NPAS3: variants seen among roughly 807,000 people sequenced by gnomAD.
The protein encoded by NPAS3 is neuronal PAS domain-containing protein 3.
Under a neutral mutation model 73.1 loss-of-function variants are expected in NPAS3, and 14 were observed. The observed-to-expected ratio is 0.19, with a 90% CI of 0.13 to 0.30. The LOEUF is 0.30. Among genes scored for constraint, NPAS3 ranks in the 10% least tolerant of loss-of-function variants. NPAS3 has a pLI of 1.00. For missense variants in NPAS3, 1,096 were observed against 1,250.0 expected (o/e 0.88, Z 1.86); for synonymous variants, 620 against 541.5 (o/e 1.14, Z -2.01).
intron 3 of NPAS3, among the ~76,000 whole-genome samples, chr14:33,232,887 A>C (rs1440694997): frequency 6.6e-6 from 1 of 152,162 alleles, no homozygotes; most frequent in Non-Finnish European, 1.5e-5. Context: ...TTACAATTTC[A>C]CTTTAGTTTC....
At chr14:33,551,068 T>C (rs1194755036) in intron 4 of NPAS3, among the ~76,000 whole-genome samples, 2 of 152,234 alleles carry the variant, frequency 1.3e-5, no homozygotes, top group African/African-American at 4.8e-5. Context: ...TACAATGATT[T>C]CCTGAAATTA....
chr14:33,332,002 T>A (rs956508584), intron 3 of NPAS3, among the ~76,000 whole-genome samples: 3 of 152,220 alleles, frequency 2.0e-5, no homozygotes, highest in Admixed American at 2.0e-4. Flanking sequence ...TTGTCTAATT[T>A]CCTTTGCAGT....
chr14:32,949,034 T>A (rs1312110749), intron 1 of NPAS3, among the ~76,000 whole-genome samples: 1 of 152,156 alleles, frequency 6.6e-6, no homozygotes, highest in Non-Finnish European at 1.5e-5. Flanking sequence ...GAAAAAATTT[T>A]ATACAGGGTA....
At chr14:32,988,996 T>A (rs144811513) in intron 1 of NPAS3, among the ~76,000 whole-genome samples, 1 of 152,278 alleles carries the variant, frequency 6.6e-6, no homozygotes, top group African/African-American at 2.4e-5. Context: ...GTATCTGCCA[T>A]CTAGGATCTC....
At chr14:33,723,867 A>G (rs2061187649) in intron 6 of NPAS3, among the ~76,000 whole-genome samples, 1 of 152,170 alleles carries the variant, frequency 6.6e-6, no homozygotes, top group Non-Finnish European at 1.5e-5. Context: ...CAGCTCAAGG[A>G]GGCAAACGGA....
At chr14:33,395,555 CATATATGCGTGTATACATACATACATGT>C (rs2047185984) in intron 4 of NPAS3, among the ~76,000 whole-genome samples, 1 of 151,834 alleles carries the variant, frequency 6.6e-6, no homozygotes, top group Admixed American at 6.6e-5. Context: ...TACATACATA[CATATATGCGTGTATACATACATACATGT>C]ATATATTATG....
At chr14:33,503,122 C>A (rs1458693155) in intron 4 of NPAS3, among the ~76,000 whole-genome samples, 1 of 151,836 alleles carries the variant, frequency 6.6e-6, no homozygotes, top group Non-Finnish European at 1.5e-5. Context: ...CAGGAATACA[C>A]ATAAAATGAT....
chr14:33,248,322 G>A (rs1053544241), intron 3 of NPAS3, among the ~76,000 whole-genome samples: 2 of 152,176 alleles, frequency 1.3e-5, no homozygotes, highest in Non-Finnish European at 2.9e-5. Flanking sequence ...TTACCGGTAT[G>A]TTAAACAGCC....
intron 7 of NPAS3, among the ~76,000 whole-genome samples, chr14:33,764,927 G>A (rs1366173352): frequency 6.6e-6 from 1 of 152,140 alleles, no homozygotes; most frequent in Admixed American, 6.5e-5. Flanking sequence ...AATGATATTT[G>A]AAGTGTTCCA....
chr14:33,197,754 G>C (rs2046426092), intron 2 of NPAS3, among the ~76,000 whole-genome samples: 1 of 152,178 alleles, frequency 6.6e-6, no homozygotes, highest in Non-Finnish European at 1.5e-5. Flanking sequence ...CACCTTAAGT[G>C]ATTTGTAAGT....
intron 2 of NPAS3, among the ~76,000 whole-genome samples, chr14:33,085,553 A>C (rs2041995700): frequency 6.6e-6 from 1 of 152,188 alleles, no homozygotes; most frequent in East Asian, 1.9e-4. Flanking sequence ...AGTGGCCCCC[A>C]GTGGGCTAGT....
chr14:33,784,737 A>ATT lies in NPAS3; in HGVS notation c.1153+6167_1153+6168dup, dbSNP rs1222862652. 5.1e-3 allele frequency among the ~76,000 whole-genome samples: 410 copies of ATT among 79,902 alleles called. 22 individuals are homozygous for ATT. Among genetic ancestry groups the ATT allele is most frequent in the East Asian group, 8.0e-3 (20 of 2,506 alleles). The allele number at this position is 79,902 out of a possible 152,430, so 52.4% of individuals were successfully genotyped here. ...TATTGTTATTTTTATTTATTTATTT[A>ATT]TTTATTTATTTTTTTTTTTTTTTTT... On this transcript the variant is annotated intron_variant, in intron 9 of 11. Transcript: ENST00000356141.
At chr14:33,367,148 T>C (rs753280564) in intron 3 of NPAS3, 38 bp from the exon 4 acceptor site, 1 of 808,044 alleles carries the variant, frequency 1.2e-6, no homozygotes, top group Non-Finnish European at 2.1e-6. Flanking sequence ...GAGCTCCAAC[T>C]TAATTGTTCT....
At chr14:33,248,281 C>T (rs940045214) in intron 3 of NPAS3, among the ~76,000 whole-genome samples, 6 of 152,174 alleles carry the variant, frequency 3.9e-5, no homozygotes, top group Non-Finnish European at 8.8e-5. Context: ...GACACTGCCA[C>T]GTTGGCTGTC....
intron 5 of NPAS3, among the ~76,000 whole-genome samples, chr14:33,663,829 C>A (rs549538176): frequency 6.6e-6 from 1 of 152,214 alleles, no homozygotes; most frequent in African/African-American, 2.4e-5. Context: ...ATTTTATTTG[C>A]ATAGAGGTGT....
intron 7 of NPAS3, among the ~76,000 whole-genome samples, chr14:33,754,996 G>T (rs1278697820): frequency 2.6e-5 from 4 of 152,200 alleles, no homozygotes; most frequent in Admixed American, 2.6e-4. Context: ...ACATATTGTT[G>T]TTTTGGGTAA....
At chr14:33,148,614 G>T (rs189944280) in intron 2 of NPAS3, among the ~76,000 whole-genome samples, 1 of 152,218 alleles carries the variant, frequency 6.6e-6, no homozygotes, top group African/African-American at 2.4e-5. Context: ...AAGCTCAACT[G>T]AAAAAATTTT....
intron 4 of NPAS3, among the ~76,000 whole-genome samples, chr14:33,420,202 G>A (rs2048314161): frequency 1.3e-5 from 2 of 151,868 alleles, no homozygotes; most frequent in African/African-American, 4.8e-5. Context: ...TGCCAAGTAA[G>A]GATTTTCACT....
chr14:33,518,283 T>C (rs972086014), intron 4 of NPAS3, among the ~76,000 whole-genome samples: 10 of 151,434 alleles, frequency 6.6e-5, no homozygotes, highest in Non-Finnish European at 1.5e-4. Flanking sequence ...AGAGGAGAGG[T>C]AACTCATGGT....
Sources: gnomAD v4.1 joint callset for allele counts (sites outside exome capture counted in the v4.1 genomes callset) on GRCh38, gnomAD v4.1.1 for gene constraint, MANE v1.5 for transcripts, NCBI Gene and HGNC (gene_info 2026-07-23, HGNC 2026-07-21) for gene names.